The following STX2 variants were observed in gnomAD, a reference collection of about 807,000 sequenced individuals.
The protein encoded by STX2 is syntaxin 2, also known as syntaxin-2.
In STX2, 27 loss-of-function variants were observed where a neutral mutation model predicts 40.6. The ratio of observed to expected loss-of-function variants is 0.66; its 90% confidence interval spans 0.49 to 0.92. The LOEUF (loss-of-function observed/expected upper bound fraction) is 0.92. STX2 is among the 40% of genes least tolerant of loss of function. The probability of loss-of-function intolerance (pLI) is 0.00; values close to 1 mark genes in which losing one functional copy is unlikely to be tolerated. For synonymous variants in STX2, 123 were observed against 119.1 expected, an observed-to-expected ratio of 1.03 and a Z score of -0.22; for missense variants, 328 against 366.1, an observed-to-expected ratio of 0.90 and a Z score of 0.85.
At chr12:130,818,185 A>AAAAAATATATATATATATATATAT in intron 3 of STX2, among the ~76,000 whole-genome samples, 7 of 70,538 alleles carry the variant, frequency 9.9e-5, no homozygotes, top group Admixed American at 1.6e-4. Context: ...AAAAAAAAAA[A>AAAAAATATATATATATATATATAT]ATATATATAT....
intron 4 of STX2, 121 bp from the exon 5 acceptor site, chr12:130,808,825 C>T: frequency 1.2e-6 from 1 of 820,314 alleles, no homozygotes; most frequent in Middle Eastern, 2.6e-4. Flanking sequence ...AGCTAATGAA[C>T]AAGTGACCTT....
At position 130,791,946 on chromosome 12, in the gene STX2, A is replaced by G. The variant is rs779644874; in HGVS notation, c.*77T>C. The G allele has an allele frequency of 2.5e-6, 4 of 1,610,240 alleles. No individual in the cohort carries two copies. Among genetic ancestry groups the G allele is most frequent in the African/African-American group, 1.3e-5 (1 of 74,942 alleles). On this transcript the variant is annotated 3_prime_UTR_variant, in exon 11 of 11. Coordinates refer to ENST00000392373, the MANE Select transcript of STX2 (RefSeq NM_194356.4). Reference sequence around the variant, plus strand: ...GATAATTCCAAGGATCACAAGCAAAACAATTACACAAATAATAATGAACAT... The same window carrying G: ...GATAATTCCAAGGATCACAAGCAAAGCAATTACACAAATAATAATGAACAT...
At chr12:130,808,176 C>T (rs1450913551) in intron 5 of STX2, among the ~76,000 whole-genome samples, 4 of 152,186 alleles carry the variant, frequency 2.6e-5, no homozygotes, top group East Asian at 1.9e-4. Flanking sequence ...ACGTAAGAGG[C>T]GGATCTGGGC....
Position 130,796,020 on chromosome 12 carries a change from C to A in STX2, c.*20G>T. 1 of 1,613,978 alleles carries A rather than the reference C, an allele frequency of 6.2e-7. No individual in the cohort carries two copies. The highest frequency in any genetic ancestry group is 8.5e-7 in the Non-Finnish European group (1 of 1,179,964). On this transcript the variant is annotated 3_prime_UTR_variant, in exon 10 of 11. Coordinates refer to ENST00000392373, the MANE Select transcript of STX2 (RefSeq NM_194356.4). ...TCCCACCCTGGCAGAGAGGCATGCA[C>A]ACTGACGTTATCCACACCATCATTT...
In STX2 at chr12:130,806,908, G is replaced by C. The variant is rs1008119045; in HGVS notation, c.463+74C>G. On this transcript the variant is annotated intron_variant, in intron 6 of 10. Transcript: ENST00000392373. ...ATAGACATGGATTTCCTTTTCTGAA[G>C]TTAAAGTCATTTGAAGTGAGACCTT... The C allele has an allele frequency of 5.1e-6, 7 of 1,368,764 alleles. No individual in the cohort carries two copies. In the African/African-American group the frequency reaches 1.0e-4, roughly 20 times the overall value. The allele number at this position is 1,368,764 out of a possible 1,614,324, so 84.8% of individuals were successfully genotyped here.
intron 4 of STX2, among the ~76,000 whole-genome samples, chr12:130,809,766 G>A (rs924544004): frequency 6.6e-6 from 1 of 152,194 alleles, no homozygotes; most frequent in Non-Finnish European, 1.5e-5. Flanking sequence ...GCAGTGAGCC[G>A]AGATAGTGCC....
At chr12:130,829,406 G>A (rs775043296) in intron 1 of STX2, among the ~76,000 whole-genome samples, 14 of 152,188 alleles carry the variant, frequency 9.2e-5, no homozygotes, top group African/African-American at 1.9e-4. Context: ...TCGCAGGGAC[G>A]GCAGAGCAGA....
At chr12:130,832,083 C>T (rs1952585051) in intron 1 of STX2, among the ~76,000 whole-genome samples, 1 of 152,020 alleles carries the variant, frequency 6.6e-6, no homozygotes, top group Non-Finnish European at 1.5e-5. Flanking sequence ...CTTGGCCCAA[C>T]CAATCCTCCC....
chr12:130,838,935 C>T, intron 1 of STX2, 135 bp downstream of exon 1: 1 of 957,836 alleles, frequency 1.0e-6, no homozygotes, highest in Non-Finnish European at 1.3e-6. Flanking sequence ...CTGCCCGCAG[C>T]CCCCGCCCCA....
intron 2 of STX2, among the ~76,000 whole-genome samples, chr12:130,826,330 GAC>G (rs1163456061): frequency 6.6e-6 from 1 of 152,214 alleles, no homozygotes; most frequent in African/African-American, 2.4e-5. Context: ...CTCGTTCTGA[GAC>G]ACTGCCAGTC....
intron 1 of STX2, among the ~76,000 whole-genome samples, chr12:130,834,650 G>A (rs1218744974): frequency 6.6e-6 from 1 of 152,058 alleles, no homozygotes; most frequent in Non-Finnish European, 1.5e-5. Context: ...TCAAACTAAA[G>A]GACATGTTTA....
rs1046115414 is a variant in STX2 at position 130,789,953 on chromosome 12, T to C, written c.*2070A>G. On this transcript the variant is annotated 3_prime_UTR_variant, in exon 11 of 11. Transcript: ENST00000392373. ...ACTTGAAAAATACCATAATAAGTGT[T>C]GTAAAAGGGGAGGACTCATATGACA... is the stretch of plus-strand genomic sequence containing the variant. The C allele has an allele frequency of 6.6e-6, 1 of 152,136 alleles. No individual in the cohort carries two copies. The highest frequency in any genetic ancestry group is 1.5e-5 in the Non-Finnish European group (1 of 68,026). 9.4% of individuals were successfully genotyped at this position (152,136 alleles called of 1,614,324 possible).
At chr12:130,797,711 G>A (rs1951075201) in intron 9 of STX2, among the ~76,000 whole-genome samples, 1 of 152,210 alleles carries the variant, frequency 6.6e-6, no homozygotes, top group Non-Finnish European at 1.5e-5. Flanking sequence ...GCCTAAGTTA[G>A]GAGAGTAAGT....
At chr12:130,835,348 T>C (rs1005714357) in intron 1 of STX2, among the ~76,000 whole-genome samples, 3 of 152,212 alleles carry the variant, frequency 2.0e-5, no homozygotes, top group Non-Finnish European at 2.9e-5. Flanking sequence ...AAAATAACGT[T>C]CTCATTTCTT....
intron 2 of STX2, among the ~76,000 whole-genome samples, chr12:130,826,499 G>C (rs1020171722): frequency 6.6e-6 from 1 of 152,122 alleles, no homozygotes; most frequent in African/African-American, 2.4e-5. Context: ...CAACCCACGC[G>C]GAGGCCACGT....
At chr12:130,817,652 T>C (rs546958111) in intron 3 of STX2, among the ~76,000 whole-genome samples, 10 of 151,862 alleles carry the variant, frequency 6.6e-5, no homozygotes, top group Non-Finnish European at 1.3e-4. Context: ...ATCTCAAAAC[T>C]TCACAGTAAA....
intron 10 of STX2, among the ~76,000 whole-genome samples, chr12:130,794,092 C>T (rs573812243): frequency 2.8e-4 from 43 of 152,230 alleles, no homozygotes; most frequent in African/African-American, 7.5e-4. Context: ...ACTGTGTCCG[C>T]GCTACAAATT....
intron 4 of STX2, chr12:130,812,133 G>A (rs932099477): frequency 4.3e-6 from 1 of 234,350 alleles, no homozygotes; most frequent in African/African-American, 2.4e-5. Context: ...TTAAAAGCCA[G>A]GGTTTGGTCC....
At chr12:130,811,753 A>G (rs1219359333) in intron 4 of STX2, among the ~76,000 whole-genome samples, 3 of 152,028 alleles carry the variant, frequency 2.0e-5, no homozygotes, top group African/African-American at 4.8e-5. Context: ...GTTAGCCAGG[A>G]TAAGTCTCGA....
Sources: gnomAD v4.1 joint callset for allele counts (sites outside exome capture counted in the v4.1 genomes callset) on GRCh38, gnomAD v4.1.1 for gene constraint, MANE v1.5 for transcripts, NCBI Gene and HGNC (gene_info 2026-07-23, HGNC 2026-07-21) for gene names.